Variants in LGALS8 observed in about 807,000 individuals in gnomAD.
LGALS8 encodes the protein galectin 8.
LGALS8 carries 30 observed loss-of-function variants against 35.9 expected under a neutral mutation model. That is an observed-to-expected ratio of 0.83 (90% CI 0.62 to 1.13). The LOEUF is 1.13. Ranked by LOEUF, LGALS8 falls within the 50% of genes most tolerant of loss-of-function variation. The pLI is 0.00. For synonymous variants in LGALS8, 138 were observed against 136.1 expected, an observed-to-expected ratio of 1.01 and a Z score of -0.10; for missense variants, 366 against 388.7, an observed-to-expected ratio of 0.94 and a Z score of 0.49.
intron 7 of LGALS8, chr1:236,543,144 T>C (rs1348769910): frequency 4.0e-6 from 4 of 1,007,074 alleles, no homozygotes; most frequent in Non-Finnish European, 3.1e-6. Context: ...CAGCCCCCTC[T>C]GCATTTGTGT....
chr1:236,543,329 T>C, intron 7 of LGALS8: 3 of 669,362 alleles, frequency 4.5e-6, no homozygotes, highest in Non-Finnish European at 8.1e-6. Flanking sequence ...GGGCATCGGG[T>C]CCCACCCTGT....
chr1:236,528,615 A>G (rs898121709), intron 2 of LGALS8, among the ~76,000 whole-genome samples: 1 of 132,584 alleles, frequency 7.5e-6, no homozygotes, highest in Non-Finnish European at 1.5e-5. Flanking sequence ...GGAGTGGTGC[A>G]GTCTTACCCC....
rs1327482195 is a variant in LGALS8 at position 236,551,064 on chromosome 1, C to T, written c.*2903C>T. ...TGCCTCGGTTCTCATTAGTTTAATT[C>T]TTAATGCCTTGCACTTTCCGGCAAT... On this transcript the variant is annotated 3_prime_UTR_variant, in exon 10 of 10. Coordinates refer to ENST00000366584, the MANE Select transcript of LGALS8 (RefSeq NM_201544.4). 3.5e-6 allele frequency: 4 copies of T among 1,156,306 alleles called. No individual in the cohort carries two copies. Among genetic ancestry groups the T allele is most frequent in the Non-Finnish European group, 4.9e-6 (4 of 819,064 alleles). 71.6% of individuals were successfully genotyped at this position (1,156,306 alleles called of 1,614,324 possible). A position where few individuals can be genotyped will look rare whatever the true frequency, so the allele number is the denominator to read the frequency against.
chr1:236,524,877 G>T (rs819434), intron 1 of LGALS8: 37,358 of 162,646 alleles, frequency 0.23, 4,586 homozygotes, highest in South Asian at 0.37. Flanking sequence ...AACCAAGAGG[G>T]ATACAGTTTT....
chr1:236,543,014 A>G (rs754981354), intron 7 of LGALS8: 6 of 1,614,184 alleles, frequency 3.7e-6, no homozygotes, highest in Non-Finnish European at 5.1e-6. Context: ...TTGCACCAAA[A>G]TACCACCTAT....
At chr1:236,527,301 T>C (rs183774091) in intron 2 of LGALS8, among the ~76,000 whole-genome samples, 442 of 152,304 alleles carry the variant, frequency 2.9e-3, no homozygotes, top group Non-Finnish European at 4.0e-3. Context: ...CTGATTCCTG[T>C]AGTTTCTGGG....
At chr1:236,530,202 T>C (rs1312416554) in intron 2 of LGALS8, among the ~76,000 whole-genome samples, 1 of 152,256 alleles carries the variant, frequency 6.6e-6, no homozygotes, top group East Asian at 1.9e-4. Context: ...AAATCCTACC[T>C]GGTACCCAGT....
chr1:236,527,120 T>G (rs1339369165), intron 2 of LGALS8, among the ~76,000 whole-genome samples: 1 of 151,372 alleles, frequency 6.6e-6, no homozygotes, highest in African/African-American at 2.4e-5. Flanking sequence ...GCAAAGATCT[T>G]AACAACAACA....
Position 236,551,921 on chromosome 1 carries a change from A to G in LGALS8, c.*3760A>G. On this transcript the variant is annotated 3_prime_UTR_variant, in exon 10 of 10. Transcript: ENST00000366584. The stretch of plus-strand genomic sequence containing the variant: ...GTCACGTTATATCCAAATCTGCATT[A>G]TCATTGGGCACATTTTCACAGAATT... The G allele has an allele frequency of 2.1e-6, 2 of 936,692 alleles. No individual in the cohort carries two copies. Among genetic ancestry groups the G allele is most frequent in the South Asian group, 1.4e-5 (1 of 71,008 alleles). The allele number at this position is 936,692 out of a possible 1,614,324, so 58.0% of individuals were successfully genotyped here. A position where few individuals can be genotyped will look rare whatever the true frequency, so the allele number is the denominator to read the frequency against.
Position 236,550,841 on chromosome 1 carries a change from A to G in LGALS8, c.*2680A>G. 1.5e-6 allele frequency: 2 copies of G among 1,359,042 alleles called. No individual in the cohort carries two copies. The highest frequency in any genetic ancestry group is 2.0e-6 in the Non-Finnish European group (2 of 982,074). 84.2% of individuals were successfully genotyped at this position (1,359,042 alleles called of 1,614,324 possible). A position where few individuals can be genotyped will look rare whatever the true frequency, so the allele number is the denominator to read the frequency against. On this transcript the variant is annotated 3_prime_UTR_variant, in exon 10 of 10. Transcript: ENST00000366584. ...AAGTAACATGGCACCCAACACCCAA[A>G]AATAAAAATATGAAATATGAGTGTG...
chr1:236,550,713 A>G lies in LGALS8; in HGVS notation c.*2552A>G. 1 of 530,290 alleles carries G rather than the reference A, an allele frequency of 1.9e-6. No individual in the cohort carries two copies. Among genetic ancestry groups the G allele is most frequent in the South Asian group, 2.9e-5 (1 of 33,928 alleles). The allele number at this position is 530,290 out of a possible 1,614,324, so 32.8% of individuals were successfully genotyped here. A position where few individuals can be genotyped will look rare whatever the true frequency, so the allele number is the denominator to read the frequency against. ...TTTACTCTTTCTGCAGCTCTATACGATAGGCAGGAGAGGCTTATGTGGCAG... is the reference window on the plus strand; with the variant it reads ...TTTACTCTTTCTGCAGCTCTATACGGTAGGCAGGAGAGGCTTATGTGGCAG... On this transcript the variant is annotated 3_prime_UTR_variant, in exon 10 of 10. Coordinates refer to ENST00000366584, the MANE Select transcript of LGALS8 (RefSeq NM_201544.4).
chr1:236,533,344 T>TTA (rs1441192310), intron 2 of LGALS8, among the ~76,000 whole-genome samples: 1 of 151,920 alleles, frequency 6.6e-6, no homozygotes, highest in Non-Finnish European at 1.5e-5. Context: ...CCACCCTTTT[T>TTA]TTTTTCTTTG....
chr1:236,519,029 A>T (rs549123086), upstream of LGALS8, among the ~76,000 whole-genome samples: 1 of 152,280 alleles, frequency 6.6e-6, no homozygotes, highest in African/African-American at 2.4e-5. Context: ...GTCTAAAATC[A>T]TGATTTTTTT....
At chr1:236,520,226 G>A (rs947665302), upstream of LGALS8, among the ~76,000 whole-genome samples, 1 of 151,708 alleles carries the variant, frequency 6.6e-6, no homozygotes, top group Non-Finnish European at 1.5e-5. Context: ...CAAAGTGCTG[G>A]GATTACAGGA....
rs1025407863 is a variant in LGALS8 at position 236,549,631 on chromosome 1, G to A, written c.*1470G>A. 6.6e-6 allele frequency: 1 copy of A among 152,138 alleles called. No homozygotes were observed. Among genetic ancestry groups the A allele is most frequent in the African/African-American group, 2.4e-5 (1 of 41,412 alleles). 9.4% of individuals were successfully genotyped at this position (152,138 alleles called of 1,614,324 possible). ...CTCACCAAGCTCAAAGACACTGGTT[G>A]GGGGTGGAGGGTGCCACAGGGAAAG... On this transcript the variant is annotated 3_prime_UTR_variant, in exon 10 of 10. Transcript: ENST00000366584.
At chr1:236,518,918 T>C (rs999407011), upstream of LGALS8, among the ~76,000 whole-genome samples, 3 of 152,026 alleles carry the variant, frequency 2.0e-5, no homozygotes, top group Non-Finnish European at 4.4e-5. Flanking sequence ...ACTGCCAGAG[T>C]ATTCCTTAGC....
rs375165381 is a variant in LGALS8 at position 236,552,455 on chromosome 1, C to T, written c.*4294C>T. ...CACCAGATTTTACTTCATTGGCGCT[C>T]GCCAGCCCGCCAGGCTGGCAATAAA... On this transcript the variant is annotated 3_prime_UTR_variant, in exon 10 of 10. Transcript: ENST00000366584. The T allele has an allele frequency of 1.2e-4, 19 of 163,968 alleles. No homozygotes were observed. The highest frequency in any genetic ancestry group is 2.6e-5 in the Non-Finnish European group (2 of 76,208). The allele number at this position is 163,968 out of a possible 1,614,324, so 10.2% of individuals were successfully genotyped here.
intron 9 of LGALS8, among the ~76,000 whole-genome samples, chr1:236,545,455 G>C (rs1662304198): frequency 6.6e-6 from 1 of 152,214 alleles, no homozygotes. Flanking sequence ...TATGTTTCTG[G>C]GATGCTGAGC....
At chr1:236,543,043 T>C (rs1662114561) in intron 7 of LGALS8, 1 of 1,613,724 alleles carries the variant, frequency 6.2e-7, no homozygotes, top group East Asian at 2.2e-5. Flanking sequence ...TGTCAAAGGT[T>C]TGAAGAGCAC....
Sources: gnomAD v4.1 joint callset for allele counts (sites outside exome capture counted in the v4.1 genomes callset) on GRCh38, gnomAD v4.1.1 for gene constraint, MANE v1.5 for transcripts, NCBI Gene and HGNC (gene_info 2026-07-23, HGNC 2026-07-21) for gene names.